Variants in CORIN observed in about 807,000 individuals in gnomAD.
CORIN encodes the protein corin, serine peptidase, also known as atrial natriuretic peptide-converting enzyme.
Under a neutral mutation model 125.3 loss-of-function variants are expected in CORIN, and 117 were observed. The ratio of observed to expected loss-of-function variants is 0.93; its 90% CI spans 0.80 to 1.09. The LOEUF is 1.09. Ranked by LOEUF, CORIN falls within the 50% of genes least tolerant of loss-of-function variation. The pLI is 0.00. For missense variants in CORIN, 1,253 were observed against 1,306.7 expected, an observed-to-expected ratio of 0.96 and a Z score of 0.63; for synonymous variants, 450 against 466.4, an observed-to-expected ratio of 0.96 and a Z score of 0.45.
chr4:47,717,098 T>C (rs1307997570), intron 5 of CORIN, among the ~76,000 whole-genome samples: 1 of 152,154 alleles, frequency 6.6e-6, no homozygotes, highest in Admixed American at 6.5e-5. Context: ...GAAATTATAT[T>C]TAATTTCTTT....
chr4:47,655,850 A>G (rs1332481085), intron 12 of CORIN, among the ~76,000 whole-genome samples: 3 of 75,430 alleles, frequency 4.0e-5, no homozygotes, highest in Non-Finnish European at 9.2e-5. Flanking sequence ...CTTTCAGCAG[A>G]AAAAAAAAAA....
intron 9 of CORIN, among the ~76,000 whole-genome samples, chr4:47,674,734 T>C (rs1724936089): frequency 6.6e-6 from 1 of 152,160 alleles, no homozygotes; most frequent in Non-Finnish European, 1.5e-5. Flanking sequence ...AGAGACAAAC[T>C]ACACTAAAAA....
intron 3 of CORIN, among the ~76,000 whole-genome samples, chr4:47,780,887 C>A (rs1015027727): frequency 4.0e-5 from 6 of 148,294 alleles, no homozygotes; most frequent in Non-Finnish European, 8.9e-5. Context: ...AAATAGCTAT[C>A]GAATATATAT....
At chr4:47,690,777 C>G (rs1008341280) in intron 6 of CORIN, among the ~76,000 whole-genome samples, 4 of 152,214 alleles carry the variant, frequency 2.6e-5, no homozygotes, top group African/African-American at 9.6e-5. Context: ...TTACACTATT[C>G]CTTCACCACA....
intron 6 of CORIN, among the ~76,000 whole-genome samples, chr4:47,690,620 C>T (rs1335391053): frequency 6.6e-6 from 1 of 152,180 alleles, no homozygotes; most frequent in East Asian, 1.9e-4. Flanking sequence ...CTCTGACAGT[C>T]CTCCTTCTTG....
chr4:47,787,031 A>G, intron 2 of CORIN, 106 bp from the exon 3 acceptor site: 1 of 790,026 alleles, frequency 1.3e-6, no homozygotes, highest in East Asian at 2.7e-5. Context: ...TCCCTATGTC[A>G]TTCTAACCAG....
intron 5 of CORIN, among the ~76,000 whole-genome samples, chr4:47,740,053 C>T (rs998455411): frequency 3.3e-5 from 5 of 151,836 alleles, no homozygotes; most frequent in African/African-American, 1.2e-4. Context: ...TTCAAAACAG[C>T]ATATGCAAAT....
At chr4:47,675,280 A>G (rs539825407) in intron 9 of CORIN, among the ~76,000 whole-genome samples, 1 of 152,332 alleles carries the variant, frequency 6.6e-6, no homozygotes, top group Non-Finnish European at 1.5e-5. Context: ...TCTGGAATCT[A>G]GTCAACCTTG....
chr4:47,763,633 A>G, intron 3 of CORIN, 47 bp from the exon 4 acceptor site: 1 of 1,491,062 alleles, frequency 6.7e-7, no homozygotes, highest in South Asian at 1.1e-5. Flanking sequence ...CATCAGAAGT[A>G]TATGTTTGCA....
At chr4:47,727,194 T>C (rs1367985929) in intron 5 of CORIN, among the ~76,000 whole-genome samples, 10 of 152,054 alleles carry the variant, frequency 6.6e-5, no homozygotes, top group Non-Finnish European at 1.5e-4. Context: ...TATTTGCTTT[T>C]TGACAGTACA....
chr4:47,665,911 T>C (rs1577801300), intron 10 of CORIN, among the ~76,000 whole-genome samples: 1 of 152,340 alleles, frequency 6.6e-6, no homozygotes, highest in East Asian at 1.9e-4. Context: ...TCTGCTGTAA[T>C]AAATTCTATT....
At chr4:47,700,071 CAT>C (rs555666806) in intron 5 of CORIN, among the ~76,000 whole-genome samples, 1 of 152,190 alleles carries the variant, frequency 6.6e-6, no homozygotes. Flanking sequence ...GCTTTATACA[CAT>C]GAGTCCATGG....
intron 16 of CORIN, among the ~76,000 whole-genome samples, chr4:47,636,904 A>T (rs895214474): frequency 1.3e-5 from 2 of 152,230 alleles, no homozygotes; most frequent in Admixed American, 1.3e-4. Context: ...GAAGTGGGTA[A>T]CAGGCAGAAT....
chr4:47,684,687 C>T (rs576149530), intron 6 of CORIN, among the ~76,000 whole-genome samples: 3 of 152,020 alleles, frequency 2.0e-5, no homozygotes, highest in Non-Finnish European at 2.9e-5. Flanking sequence ...TTTCAACAAA[C>T]GGTATTGGGA....
intron 3 of CORIN, among the ~76,000 whole-genome samples, chr4:47,780,974 A>G (rs1429451629): frequency 6.6e-6 from 1 of 151,932 alleles, no homozygotes; most frequent in African/African-American, 2.4e-5. Flanking sequence ...ATATTAAAAA[A>G]AAAACTAAAC....
chr4:47,817,844 AT>A (rs1732342153), intron 1 of CORIN, among the ~76,000 whole-genome samples: 1 of 152,132 alleles, frequency 6.6e-6, no homozygotes, highest in Non-Finnish European at 1.5e-5. Context: ...TTCACTCTGG[AT>A]TTGTTAAACA....
chr4:47,694,903 G>T (rs969831055), intron 5 of CORIN, among the ~76,000 whole-genome samples: 1 of 152,222 alleles, frequency 6.6e-6, no homozygotes, highest in Non-Finnish European at 1.5e-5. Context: ...AAGGAAATCA[G>T]CATTTCAACT....
intron 6 of CORIN, among the ~76,000 whole-genome samples, chr4:47,685,104 G>A (rs1038733923): frequency 6.6e-5 from 10 of 152,104 alleles, no homozygotes; most frequent in Non-Finnish European, 1.3e-4. Flanking sequence ...TGGAAAACTG[G>A]CAGTTTCTTA....
chr4:47,761,508 C>CACAT (rs397965153), intron 4 of CORIN, among the ~76,000 whole-genome samples: 151 of 151,308 alleles, frequency 1.0e-3, no homozygotes, highest in African/African-American at 3.4e-3. Flanking sequence ...CACACACACA[C>CACAT]ATATACACAA....
Sources: allele counts gnomAD v4.1 joint callset (sites outside exome capture counted in the v4.1 genomes callset), GRCh38; gene constraint gnomAD v4.1.1; transcripts MANE v1.5; gene names NCBI Gene and HGNC (gene_info 2026-07-23, HGNC 2026-07-21).